Variants in ZFAND3 observed in about 807,000 individuals in gnomAD.
ZFAND3 encodes the protein AN1-type zinc finger protein 3.
Under a neutral mutation model 29.6 loss-of-function variants are expected in ZFAND3, and 10 were observed. The ratio of observed to expected loss-of-function variants is 0.34; its 90% CI spans 0.21 to 0.57. The LOEUF is 0.57. Ranked by LOEUF, ZFAND3 falls within the 20% of genes least tolerant of loss-of-function variation. The pLI is 0.86. For missense variants in ZFAND3, 230 were observed against 304.5 expected (o/e 0.76, Z 1.82); for synonymous variants, 128 against 112.6 (o/e 1.14, Z -0.87).
chr6:37,835,959 G>A (rs1581697214), intron 1 of ZFAND3, among the ~76,000 whole-genome samples: 1 of 152,128 alleles, frequency 6.6e-6, no homozygotes, highest in African/African-American at 2.4e-5. Context: ...TGCTACAAAA[G>A]TAGCATGAAA....
rs891937709 is a variant in ZFAND3 at position 37,925,727 on chromosome 6, A to G, written c.72-4232A>G. On this transcript the variant is annotated intron_variant, in intron 1 of 5. Transcript: ENST00000287218. The stretch of plus-strand genomic sequence containing the variant: ...TCAAAAAAAAAAAAAAAAGGTTTCT[A>G]GATTTTTGATGTGAGCAACTGGGAA... Among the ~76,000 whole-genome samples the G allele has an allele frequency of 8.3e-4, 124 of 150,220 alleles. 1 individual carries two copies. Among genetic ancestry groups the G allele is most frequent in the Admixed American group, 4.6e-3 (69 of 15,114 alleles).
Position 37,884,066 on chromosome 6 carries a change from A to C in ZFAND3, c.72-45893A>C, listed in dbSNP as rs909148953. On this transcript the variant is annotated intron_variant, in intron 1 of 5. Coordinates refer to ENST00000287218, the MANE Select transcript of ZFAND3 (RefSeq NM_021943.3). ...TTCTGATGTATGTGTAGCTCTTATA[A>C]TAGAGATTGATTTTTAACTTGATCA... Among the ~76,000 whole-genome samples the C allele has an allele frequency of 2.1e-5, 3 of 145,176 alleles. No individual in the cohort carries two copies. In the East Asian group the frequency reaches 5.8e-4, roughly 28 times the overall value.
chr6:38,084,617 G>T (rs930872841), intron 4 of ZFAND3, among the ~76,000 whole-genome samples: 1 of 152,104 alleles, frequency 6.6e-6, no homozygotes, highest in African/African-American at 2.4e-5. Flanking sequence ...TATTGATCAC[G>T]TTCTTTGTTA....
intron 5 of ZFAND3, among the ~76,000 whole-genome samples, chr6:38,123,702 G>A (rs138155429): frequency 3.1e-4 from 47 of 152,286 alleles, no homozygotes; most frequent in Non-Finnish European, 6.6e-4. Flanking sequence ...CTTCAAGAAT[G>A]AAGCTGCGGA....
At chr6:38,039,946 A>G (rs1441815450) in intron 2 of ZFAND3, among the ~76,000 whole-genome samples, 1 of 152,170 alleles carries the variant, frequency 6.6e-6, no homozygotes, top group Non-Finnish European at 1.5e-5. Flanking sequence ...ACTATTGTTC[A>G]GAAAACAATA....
chr6:38,141,334 G>C (rs1182266642), intron 5 of ZFAND3, among the ~76,000 whole-genome samples: 2 of 152,174 alleles, frequency 1.3e-5, no homozygotes, highest in Non-Finnish European at 2.9e-5. Context: ...CAAACAATCA[G>C]TACGTGACCA....
intron 4 of ZFAND3, among the ~76,000 whole-genome samples, chr6:38,093,752 T>C (rs1333961334): frequency 6.6e-6 from 1 of 152,080 alleles, no homozygotes; most frequent in Admixed American, 6.5e-5. Context: ...AAGAGGGCCT[T>C]GATAACAAGG....
At chr6:38,015,504 T>C (rs1763237704) in intron 2 of ZFAND3, among the ~76,000 whole-genome samples, 1 of 152,206 alleles carries the variant, frequency 6.6e-6, no homozygotes, top group South Asian at 2.1e-4. Flanking sequence ...GTATTCATCA[T>C]AGCAGTGTTT....
intron 1 of ZFAND3, among the ~76,000 whole-genome samples, chr6:37,881,009 A>T (rs534092942): frequency 2.3e-4 from 15 of 64,078 alleles, no homozygotes; most frequent in East Asian, 1.0e-3. Context: ...CTTAGAGTAT[A>T]AAAAAAAAAA....
intron 1 of ZFAND3, among the ~76,000 whole-genome samples, chr6:37,911,552 A>G (rs907058828): frequency 1.3e-5 from 2 of 151,948 alleles, no homozygotes; most frequent in African/African-American, 4.8e-5. Context: ...CAGATTTATG[A>G]TTTTTATCCA....
intron 3 of ZFAND3, among the ~76,000 whole-genome samples, chr6:38,071,448 C>T (rs1458902197): frequency 6.6e-6 from 1 of 151,912 alleles, no homozygotes; most frequent in Non-Finnish European, 1.5e-5. Context: ...ACCAGTTATG[C>T]AAAAACCATT....
At chr6:37,825,525 T>C (rs1763743096) in intron 1 of ZFAND3, among the ~76,000 whole-genome samples, 1 of 152,186 alleles carries the variant, frequency 6.6e-6, no homozygotes, top group East Asian at 1.9e-4. Context: ...AAATAATTTT[T>C]TTTTTTAATT....
chr6:38,117,181 C>G (rs1388617949), intron 5 of ZFAND3, among the ~76,000 whole-genome samples: 1 of 150,850 alleles, frequency 6.6e-6, no homozygotes, highest in Non-Finnish European at 1.5e-5. Flanking sequence ...CTCCATATCC[C>G]TGTTAAATTA....
At chr6:37,842,625 T>C (rs1160554654) in intron 1 of ZFAND3, among the ~76,000 whole-genome samples, 1 of 152,214 alleles carries the variant, frequency 6.6e-6, no homozygotes, top group African/African-American at 2.4e-5. Context: ...AAATCACTTA[T>C]CAGCAAACAC....
At chr6:38,104,302 C>T (rs956964108) in intron 4 of ZFAND3, among the ~76,000 whole-genome samples, 5 of 150,810 alleles carry the variant, frequency 3.3e-5, no homozygotes, top group Non-Finnish European at 4.4e-5. Context: ...GTAGGACACT[C>T]TCGGGGTGGT....
chr6:38,070,413 T>TA (rs377285632), intron 3 of ZFAND3, among the ~76,000 whole-genome samples: 10,112 of 108,896 alleles, frequency 0.093, 409 homozygotes, highest in Non-Finnish European at 0.12. Flanking sequence ...AAACTTAGTC[T>TA]AAAAAAAAAA....
intron 5 of ZFAND3, among the ~76,000 whole-genome samples, chr6:38,120,320 C>CTTATTTTT (rs1765506715): frequency 1.6e-5 from 1 of 60,694 alleles, no homozygotes. Flanking sequence ...GCTTGGCTTC[C>CTTATTTTT]TTTTTTTTTT....
chr6:37,894,874 C>A (rs1765169548), intron 1 of ZFAND3, among the ~76,000 whole-genome samples: 1 of 152,156 alleles, frequency 6.6e-6, no homozygotes, highest in Admixed American at 6.5e-5. Flanking sequence ...CTGTCACTGT[C>A]CTTATCTTCT....
intron 1 of ZFAND3, among the ~76,000 whole-genome samples, chr6:37,834,156 G>C (rs1272317661): frequency 1.3e-5 from 2 of 152,048 alleles, no homozygotes; most frequent in Non-Finnish European, 2.9e-5. Flanking sequence ...TCTCTGCTCT[G>C]CCTGTTCATC....
Sources: gnomAD v4.1 joint callset for allele counts (sites outside exome capture counted in the v4.1 genomes callset) on GRCh38, gnomAD v4.1.1 for gene constraint, MANE v1.5 for transcripts, NCBI Gene and HGNC (gene_info 2026-07-23, HGNC 2026-07-21) for gene names.